HOGA1: variants seen among roughly 807,000 people sequenced by gnomAD.
HOGA1 encodes the protein 4-hydroxy-2-oxoglutarate aldolase, mitochondrial.
Under a neutral mutation model 34.3 loss-of-function variants are expected in HOGA1, and 30 were observed. That is an observed-to-expected ratio of 0.87 (90% CI 0.65 to 1.19). The LOEUF (loss-of-function observed/expected upper bound fraction) is 1.19. Ranked by LOEUF, HOGA1 falls within the 50% of genes most tolerant of loss-of-function variation. HOGA1 has a pLI of 0.00. For missense variants in HOGA1, 417 were observed against 436.5 expected, an observed-to-expected ratio of 0.96 and a Z score of 0.40; for synonymous variants, 161 against 174.0, an observed-to-expected ratio of 0.93 and a Z score of 0.59.
At chr10:97,594,827 A>G (rs371114342) in intron 1 of HOGA1, among the ~76,000 whole-genome samples, 1 of 152,084 alleles carries the variant, frequency 6.6e-6, no homozygotes, top group Non-Finnish European at 1.5e-5. Context: ...AGATTGAAAA[A>G]TTGTGTCTAA....
chr10:97,585,055 C>G (rs1564753809), intron 1 of HOGA1, 141 bp downstream of exon 1: 3 of 712,488 alleles, frequency 4.2e-6, no homozygotes, highest in Non-Finnish European at 4.9e-6. Flanking sequence ...GGGAGAGGAA[C>G]AGGGGAGACT....
intron 3 of HOGA1, 103 bp from the exon 4 acceptor site, chr10:97,599,577 C>A: frequency 6.9e-7 from 1 of 1,455,212 alleles, no homozygotes; most frequent in Non-Finnish European, 9.6e-7. Context: ...GTCCAGGTGG[C>A]CCTGTAGTGA....
At chr10:97,594,801 T>C (rs2041056341) in intron 1 of HOGA1, among the ~76,000 whole-genome samples, 1 of 152,138 alleles carries the variant, frequency 6.6e-6, no homozygotes, top group African/African-American at 2.4e-5. Context: ...CAATTTCTTA[T>C]TTTATAGGAG....
chr10:97,610,053 T>C (rs911620348), intron 6 of HOGA1, among the ~76,000 whole-genome samples: 1 of 152,242 alleles, frequency 6.6e-6, no homozygotes, highest in Non-Finnish European at 1.5e-5. Flanking sequence ...ACTACTTTTG[T>C]AGTTTTTAGG....
chr10:97,596,455 A>G (rs1031095926), intron 1 of HOGA1, among the ~76,000 whole-genome samples: 5 of 152,152 alleles, frequency 3.3e-5, no homozygotes, highest in Non-Finnish European at 7.4e-5. Flanking sequence ...GAACAGAGAG[A>G]GTGGCAAGAG....
intron 6 of HOGA1, among the ~76,000 whole-genome samples, chr10:97,606,128 C>CAAAAAAAA (rs60230634): frequency 6.1e-4 from 58 of 95,200 alleles, no homozygotes; most frequent in African/African-American, 1.9e-3. Context: ...ACTAAAAATA[C>CAAAAAAAA]AAAAAAAAAA....
At chr10:97,608,097 C>T (rs1006314185) in intron 6 of HOGA1, among the ~76,000 whole-genome samples, 1 of 151,840 alleles carries the variant, frequency 6.6e-6, no homozygotes. Flanking sequence ...ATCATTTGAG[C>T]TCAGGAGTTT....
intron 1 of HOGA1, among the ~76,000 whole-genome samples, chr10:97,587,320 C>A (rs12184354): frequency 0.21 from 32,093 of 152,088 alleles, 3,884 homozygotes; most frequent in Non-Finnish European, 0.27. Flanking sequence ...GGCACAGTGG[C>A]TTACTCCTGT....
chr10:97,600,891 G>A (rs767079424), intron 5 of HOGA1: 3 of 152,210 alleles, frequency 2.0e-5, no homozygotes, highest in Non-Finnish European at 4.4e-5. Context: ...TGGCCTCTAC[G>A]GTGAAGGGGA....
In HOGA1 at chr10:97,584,900, C is replaced by T. The variant is rs1564753736; in HGVS notation, c.197C>T (p.Thr66Ile). 1.2e-6 allele frequency: 2 copies of T among 1,614,068 alleles called. No homozygotes were observed. Among genetic ancestry groups the T allele is most frequent in the Non-Finnish European group, 8.5e-7 (1 of 1,179,990 alleles). ...GAGGAGAATCTGCACAAACTGGGCA[C>T]CTTCCCCTTCCGAGGTAAGTGGGGC... is the stretch of plus-strand genomic sequence containing the variant. ...KLEENLHKLG[T>I]FPFRGFVVQG... Residue 66 changes from threonine to isoleucine, a missense_variant, in exon 1 of 7, where the codon ACC (threonine) becomes ATC (isoleucine). Transcript: ENST00000370646.
intron 1 of HOGA1, among the ~76,000 whole-genome samples, chr10:97,598,479 T>G (rs2041087875): frequency 6.6e-6 from 1 of 152,226 alleles, no homozygotes; most frequent in South Asian, 2.1e-4. Flanking sequence ...TAATTCCATT[T>G]CTACAAGGCT....
intron 6 of HOGA1, among the ~76,000 whole-genome samples, chr10:97,609,285 G>A (rs1217628230): frequency 6.6e-6 from 1 of 152,082 alleles, no homozygotes. Flanking sequence ...CATGGGAACT[G>A]GTCTAATATT....
intron 6 of HOGA1, among the ~76,000 whole-genome samples, chr10:97,604,145 T>C (rs1049393200): frequency 6.6e-6 from 1 of 152,254 alleles, no homozygotes; most frequent in African/African-American, 2.4e-5. Context: ...TTTATAATTT[T>C]GTCAGTTCAA....
chr10:97,587,809 T>A (rs183397674), intron 1 of HOGA1, among the ~76,000 whole-genome samples: 4 of 151,586 alleles, frequency 2.6e-5, no homozygotes, highest in Admixed American at 2.6e-4. Flanking sequence ...CTGGGCCTCT[T>A]ATTTATTTAT....
intron 6 of HOGA1, 170 bp downstream of exon 6, chr10:97,602,160 A>T (rs1203627502): frequency 6.5e-7 from 1 of 1,549,040 alleles, no homozygotes; most frequent in Non-Finnish European, 8.7e-7. Context: ...GAAAATCCTG[A>T]CTTCGGACAA....
At chr10:97,588,217 T>C (rs1406665455) in intron 1 of HOGA1, among the ~76,000 whole-genome samples, 3 of 118,710 alleles carry the variant, frequency 2.5e-5, no homozygotes, top group Non-Finnish European at 5.6e-5. Flanking sequence ...TTTTTTTTTG[T>C]GATGGAGTCT....
Position 97,603,256 on chromosome 10 carries a change from G to A in HOGA1, c.834+1266G>A, listed in dbSNP as rs868760961. ...TAACCTCAAGTGATCCTCCTGCCTC[G>A]GCCTCCCAATCTTTTTTCTTTTATT... On this transcript the variant is annotated intron_variant, in intron 6 of 6. Transcript: ENST00000370646. The surrounding 1 kb of genome is among the most constrained non-coding windows in gnomAD (Gnocchi z 4.5). 2.0e-5 allele frequency among the ~76,000 whole-genome samples: 3 copies of A among 151,782 alleles called. No homozygotes were observed. Among genetic ancestry groups the A allele is most frequent in the South Asian group, 2.1e-4 (1 of 4,810 alleles).
At chr10:97,599,927 T>C in intron 4 of HOGA1, 113 bp downstream of exon 4, 1 of 1,556,534 alleles carries the variant, frequency 6.4e-7, no homozygotes, top group Non-Finnish European at 8.9e-7. Context: ...TCTGTGTGGA[T>C]TCTCTCTGTC....
intron 5 of HOGA1, among the ~76,000 whole-genome samples, chr10:97,601,365 G>A (rs1323616723): frequency 6.6e-6 from 1 of 152,142 alleles, no homozygotes; most frequent in African/African-American, 2.4e-5. Context: ...CAGTCAATGG[G>A]AAGACATGCC....
Sources: allele counts gnomAD v4.1 joint callset (sites outside exome capture counted in the v4.1 genomes callset), GRCh38; gene constraint gnomAD v4.1.1; non-coding constraint Gnocchi (gnomAD v3.1); transcripts MANE v1.5; gene names NCBI Gene and HGNC (gene_info 2026-07-23, HGNC 2026-07-21).